GNL3L: variants seen among roughly 807,000 people sequenced by gnomAD.
The protein encoded by GNL3L is G protein nucleolar 3 like, also known as guanine nucleotide-binding protein-like 3-like protein.
In GNL3L, 4 loss-of-function variants were observed where a neutral mutation model predicts 42.9. The observed-to-expected ratio is 0.09, with a 90% CI of 0.05 to 0.21. The LOEUF is 0.21. GNL3L is among the 10% of genes least tolerant of loss of function. The pLI is 1.00. For missense variants in GNL3L, 412 were observed against 481.7 expected (o/e 0.86, Z 1.36); for synonymous variants, 159 against 176.3 (o/e 0.90, Z 0.78).
downstream of GNL3L, among the ~76,000 whole-genome samples, chrX:54,624,417 ATTTCTTTTTTTTTTCTT>A (rs1424479366): frequency 1.0e-5 from 1 of 95,490 alleles, no homozygotes; most frequent in Non-Finnish European, 2.0e-5. Context: ...AGCAGGAATG[ATTTCTTTTTTTTTTCTT>A]TTTCTTTTTT....
intron 16 of GNL3L, among the ~76,000 whole-genome samples, chrX:54,619,097 A>G (rs916729833): frequency 2.7e-5 from 3 of 111,777 alleles, no homozygotes; most frequent in Admixed American, 9.5e-5. Context: ...GGCAGCATGT[A>G]TCAGAATATT....
chrX:54,558,457 T>C lies in GNL3L; in HGVS notation c.1468T>C (p.Cys490Arg). ...VYKIGDLTGY[C>R]TNPNRHQMGW... ...CTAGATTGGAGATCTCACTGGGTAT[T>C]GCACCAATCCGAACCGTCATCAGAT... Residue 490 changes from cysteine (C) to arginine (R), a missense_variant, in exon 15 of 16, where the codon TGC becomes CGC. Physicochemically the swap from Cys to Arg is radical, Grantham distance 180. Transcript: ENST00000360845. The C allele has an allele frequency of 8.3e-7, 1 of 1,201,390 alleles. No individual in the cohort carries two copies.
intron 16 of GNL3L, among the ~76,000 whole-genome samples, chrX:54,608,137 A>G (rs1271075335): frequency 2.7e-5 from 3 of 111,586 alleles, no homozygotes; most frequent in African/African-American, 6.5e-5. Flanking sequence ...TTGTTTTTGT[A>G]TAGGGGGAGT....
At chrX:54,572,427 C>A (rs1476093411) in intron 16 of GNL3L, among the ~76,000 whole-genome samples, 1 of 111,699 alleles carries the variant, frequency 9.0e-6, no homozygotes. Flanking sequence ...ACACAGCAAC[C>A]ATCCGATTTC....
chrX:54,587,970 G>C lies in GNL3L; in HGVS notation c.*45+27323G>C, dbSNP rs761494312. Among the ~76,000 whole-genome samples the C allele has an allele frequency of 2.7e-5, 3 of 112,074 alleles. No homozygotes were observed. In the South Asian group the frequency reaches 1.1e-3, roughly 41 times the overall value. On this transcript the variant is annotated intron_variant, in intron 16 of 16. Coordinates refer to the GNL3L transcript ENST00000674498. ...TGCTAGATTACAGGCGTGAGCCACT[G>C]TGCCTGGCCAGGGTTGTACTTTTAA...
At chrX:54,605,706 T>G (rs887949107) in intron 16 of GNL3L, among the ~76,000 whole-genome samples, 1 of 111,509 alleles carries the variant, frequency 9.0e-6, no homozygotes, top group Non-Finnish European at 1.9e-5. Context: ...GATCTTTCAC[T>G]TATTTATTAT....
rs968462502 is a variant in GNL3L at position 54,614,443 on chromosome X, T to C, written c.*46-6402T>C. Among the ~76,000 whole-genome samples, 6 of 111,143 alleles carry C rather than the reference T, an allele frequency of 5.4e-5. No individual in the cohort carries two copies. The Middle Eastern group carries it at 0.014, about 255-fold the overall frequency. ...CCCTGAGTTCTGATCAGGAGGCTTC[T>C]TGCCTGTTCAAATTGTTACAAAGTT... On this transcript the variant is annotated intron_variant, in intron 16 of 16. Coordinates refer to the GNL3L transcript ENST00000674498.
intron 16 of GNL3L, among the ~76,000 whole-genome samples, chrX:54,575,135 T>G (rs767351213): frequency 1.8e-5 from 2 of 112,269 alleles, no homozygotes; most frequent in Non-Finnish European, 3.8e-5. Flanking sequence ...CTAATTTTCA[T>G]TATTTCCTTC....
At chrX:54,621,680 C>T (rs1160928476), downstream of GNL3L, among the ~76,000 whole-genome samples, 1 of 111,376 alleles carries the variant, frequency 9.0e-6, no homozygotes, top group East Asian at 2.8e-4. Context: ...ATGGCCTGCA[C>T]CCATAGTCCC....
chrX:54,573,186 A>G (rs1227475774), intron 16 of GNL3L, among the ~76,000 whole-genome samples: 4 of 112,284 alleles, frequency 3.6e-5, no homozygotes, highest in African/African-American at 1.3e-4. Context: ...TTGGGAGGCC[A>G]AGGCAGGCGG....
At position 54,551,736 on chromosome X, in the gene GNL3L, G is replaced by A. The variant is rs369114769; in HGVS notation, c.1032G>A (p.Leu344=). The change falls in exon 11 of 16, where the codon CTG becomes CTA. Residue 344 remains leucine (L), a synonymous_variant. Coordinates refer to ENST00000360845, the MANE Select transcript of GNL3L (RefSeq NM_001184819.2). Reference sequence around the variant, plus strand: ...AGACCATCCTGCAGCGCTGCAACCTGGAGGAGGTCCGCAGCAGAGCCCTGG... The same window carrying A: ...AGACCATCCTGCAGCGCTGCAACCTAGAGGAGGTCCGCAGCAGAGCCCTGG... ...PVETILQRCN[L]EEISNYYGVS... 9.1e-5 allele frequency: 110 copies of A among 1,211,097 alleles called. No homozygotes were observed. The highest frequency in any genetic ancestry group is 1.5e-4 in the East Asian group (5 of 33,835).
chrX:54,534,438 G>A (rs763043799), intron 2 of GNL3L, among the ~76,000 whole-genome samples: 35 of 111,206 alleles, frequency 3.1e-4, no homozygotes, highest in Non-Finnish European at 3.8e-4. Flanking sequence ...AGAGAATGTT[G>A]TGGGAAATTT....
In GNL3L at chrX:54,558,453, G is replaced by A. The variant is rs750696402; in HGVS notation, c.1464G>A (p.Gly488=). The change falls in exon 15 of 16, where the codon GGG becomes GGA. Residue 488 remains glycine, a synonymous_variant. Coordinates refer to ENST00000360845, the MANE Select transcript of GNL3L (RefSeq NM_001184819.2). ...TTVYKIGDLT[G]YCTNPNRHQM... The stretch of plus-strand genomic sequence containing the variant: ...CTTCCTAGATTGGAGATCTCACTGG[G>A]TATTGCACCAATCCGAACCGTCATC... The A allele has an allele frequency of 4.2e-6, 5 of 1,195,945 alleles. No individual in the cohort carries two copies. In the Admixed American group the frequency reaches 8.7e-5, roughly 21 times the overall value.
At chrX:54,625,283 TG>T (rs1468262238), downstream of GNL3L, among the ~76,000 whole-genome samples, 2 of 89,081 alleles carry the variant, frequency 2.2e-5, no homozygotes, top group African/African-American at 1.6e-4. Context: ...GCTCTGGTTT[TG>T]TTTTGTTTTT....
In GNL3L at chrX:54,562,472, GAAGT is replaced by G. The variant is rs974519893; in HGVS notation, c.*1872_*1875del. 1.8e-5 allele frequency among the ~76,000 whole-genome samples: 2 copies of G among 111,495 alleles called. No individual in the cohort carries two copies. The highest frequency in any genetic ancestry group is 6.5e-5 in the African/African-American group (2 of 30,644). ...ATTGGCTGTGGACTGTTCAGGCAGG[GAAGT>G]ACAAGACCACTCTTGTATTCAGGGG... On this transcript the variant is annotated 3_prime_UTR_variant, in exon 16 of 16. Transcript: ENST00000360845.
In GNL3L at chrX:54,564,396, C is replaced by T. The variant is rs866275771; in HGVS notation, c.*3794C>T. Among the ~76,000 whole-genome samples, 19 of 95,627 alleles carry T rather than the reference C, an allele frequency of 2.0e-4. No individual in the cohort carries two copies. Among genetic ancestry groups the T allele is most frequent in the Non-Finnish European group, 1.6e-4 (8 of 49,266 alleles). 83.0% of individuals were successfully genotyped at this position (95,627 alleles called of 115,157 possible). On this transcript the variant is annotated 3_prime_UTR_variant, in exon 16 of 16. Coordinates refer to ENST00000360845, the MANE Select transcript of GNL3L (RefSeq NM_001184819.2). The stretch of plus-strand genomic sequence containing the variant: ...CCTGGCAGTCACTGGTTTTTTTCTT[C>T]GTTCTCTTTTTTTTTTTTTTTTTTT...
chrX:54,546,747 A>G (rs1924784425), intron 8 of GNL3L, among the ~76,000 whole-genome samples: 1 of 111,078 alleles, frequency 9.0e-6, no homozygotes, highest in African/African-American at 3.3e-5. Context: ...CCTGGGTTCA[A>G]GTGATTCTCC....
rs142348571 is a variant in GNL3L, at chrX:54,604,390, C to T, written c.*46-16455C>T. 3.7e-3 allele frequency among the ~76,000 whole-genome samples: 415 copies of T among 111,802 alleles called. 2 individuals carry two copies. The highest frequency in any genetic ancestry group is 0.013 in the African/African-American group (394 of 30,789). On this transcript the variant is annotated intron_variant, in intron 16 of 16. Coordinates refer to the GNL3L transcript ENST00000674498. ...CCAGAGGAAGAGCATAAGAGAGTGA[C>T]TCCAGGACCTACCTATGTGGGCTGA...
At chrX:54,618,670 GAGGAGTTGGAGCCC>G (rs1926251177) in intron 16 of GNL3L, among the ~76,000 whole-genome samples, 1 of 111,621 alleles carries the variant, frequency 9.0e-6, no homozygotes, top group Non-Finnish European at 1.9e-5. Flanking sequence ...GCTGAGGCAG[GAGGAGTTGGAGCCC>G]AGGAGTTGGA....
Sources: gnomAD v4.1 joint callset for allele counts (sites outside exome capture counted in the v4.1 genomes callset) on GRCh38, gnomAD v4.1.1 for gene constraint, MANE v1.5 for transcripts, NCBI Gene and HGNC (gene_info 2026-07-23, HGNC 2026-07-21) for gene names.